Variants in ADCY9 observed in about 807,000 individuals in gnomAD.
The protein encoded by ADCY9 is adenylate cyclase 9.
In ADCY9, 50 loss-of-function variants were observed where a neutral mutation model predicts 101.5. The observed-to-expected ratio is 0.49, with a 90% CI of 0.39 to 0.62. The LOEUF (loss-of-function observed/expected upper bound fraction) is 0.62. Ranked by LOEUF, ADCY9 falls within the 20% of genes least tolerant of loss-of-function variation. The probability of loss-of-function intolerance (pLI) is 0.00; values close to 1 mark genes in which losing one functional copy is unlikely to be tolerated. For missense variants in ADCY9, 1,662 were observed against 1,800.4 expected, an observed-to-expected ratio of 0.92 and a Z score of 1.39; for synonymous variants, 905 against 769.3, an observed-to-expected ratio of 1.18 and a Z score of -2.92.
At chr16:4,048,009 C>T (rs533504713) in intron 2 of ADCY9, among the ~76,000 whole-genome samples, 1 of 152,200 alleles carries the variant, frequency 6.6e-6, no homozygotes, top group Admixed American at 6.5e-5. Context: ...GCTTCTGTGA[C>T]GTCCCCTTCA....
At chr16:3,960,007 C>T (rs1192050762), downstream of ADCY9, among the ~76,000 whole-genome samples, 1 of 151,550 alleles carries the variant, frequency 6.6e-6, no homozygotes, top group Non-Finnish European at 1.5e-5. Flanking sequence ...GCCTGGGCAA[C>T]AGAGTGAGAC....
At chr16:4,046,324 C>T (rs79028067) in intron 2 of ADCY9, among the ~76,000 whole-genome samples, 7 of 152,080 alleles carry the variant, frequency 4.6e-5, no homozygotes, top group African/African-American at 1.5e-4. Flanking sequence ...ATTCCCCCCA[C>T]GCCCCCGAAC....
At chr16:4,091,786 C>T (rs948575759) in intron 2 of ADCY9, among the ~76,000 whole-genome samples, 1 of 152,192 alleles carries the variant, frequency 6.6e-6, no homozygotes, top group Non-Finnish European at 1.5e-5. Context: ...TGCAGCACAG[C>T]GGCTGCCAGG....
At chr16:4,071,332 C>CAAAAAAAAAAAAAAAAAAAAA (rs530420293) in intron 2 of ADCY9, among the ~76,000 whole-genome samples, 7 of 70,522 alleles carry the variant, frequency 9.9e-5, no homozygotes, top group Non-Finnish European at 1.8e-4. Context: ...ACTCAGTCTC[C>CAAAAAAAAAAAAAAAAAAAAA]AAAAAAAAAA....
At chr16:4,053,847 T>G (rs1166302057) in intron 2 of ADCY9, among the ~76,000 whole-genome samples, 1 of 152,028 alleles carries the variant, frequency 6.6e-6, no homozygotes, top group Admixed American at 6.6e-5. Flanking sequence ...AACACAGCAT[T>G]TTAGAAATTT....
chr16:3,986,960 G>C (rs963916169), intron 6 of ADCY9, among the ~76,000 whole-genome samples: 1 of 152,204 alleles, frequency 6.6e-6, no homozygotes, highest in Non-Finnish European at 1.5e-5. Flanking sequence ...CCATGGCATG[G>C]GAGCCGTGAC....
chr16:4,115,254 G>C lies in ADCY9; in HGVS notation c.189C>G (p.Val63=). The change falls in exon 2 of 11, where the codon GTC becomes GTG. Residue 63 remains valine (V), a synonymous_variant. Coordinates refer to ENST00000294016, the MANE Select transcript of ADCY9 (RefSeq NM_001116.4). This position sits in a 1 kb window ranked among gnomAD's most constrained non-coding sequence, Gnocchi z 6.2. ...GGCCTCCGCCGCCCACTCGCCGGGG[G>C]ACGCCCCCGGAGTCCCCAGAGCTGC... ...SCSSSGDSGG[V]PRRVGGGGRL... is the part of the protein sequence containing the mutation. The C allele has an allele frequency of 6.2e-7, 1 of 1,613,418 alleles. No individual in the cohort carries two copies.
At chr16:4,101,420 C>T (rs972363806) in intron 2 of ADCY9, among the ~76,000 whole-genome samples, 2 of 151,966 alleles carry the variant, frequency 1.3e-5, no homozygotes, top group Non-Finnish European at 2.9e-5. Context: ...GCTTGGAATA[C>T]AGGCACATGC....
intron 2 of ADCY9, among the ~76,000 whole-genome samples, chr16:4,093,573 A>G (rs1288299668): frequency 6.6e-6 from 1 of 152,182 alleles, no homozygotes; most frequent in African/African-American, 2.4e-5. Flanking sequence ...CTCTACATAA[A>G]AAAAGTATTT....
chr16:4,086,983 C>T (rs2056943013), intron 2 of ADCY9, among the ~76,000 whole-genome samples: 1 of 151,146 alleles, frequency 6.6e-6, no homozygotes, highest in Non-Finnish European at 1.5e-5. Flanking sequence ...TCATTCTCCC[C>T]TAATCAAGGT....
At chr16:4,084,171 G>A (rs2056922709) in intron 2 of ADCY9, among the ~76,000 whole-genome samples, 1 of 152,058 alleles carries the variant, frequency 6.6e-6, no homozygotes, top group Non-Finnish European at 1.5e-5. Context: ...GAATGCAGTG[G>A]CACAATCTCG....
intron 2 of ADCY9, among the ~76,000 whole-genome samples, chr16:4,021,643 G>GTGA: frequency 6.6e-6 from 1 of 152,338 alleles, no homozygotes; most frequent in East Asian, 1.9e-4. Flanking sequence ...CCCTGCAGCT[G>GTGA]ACTCATCTGC....
At position 4,019,547 on chromosome 16, in the gene ADCY9, C is replaced by T. The variant is rs371679115; in HGVS notation, c.1694-11989G>A. On this transcript the variant is annotated intron_variant, in intron 2 of 10. Transcript: ENST00000294016. ...GGCTGGGTCCCCGGCCATCAACAAA[C>T]GGAGAGCTAGCTCATAAAACAGTGA... is the stretch of plus-strand genomic sequence containing the variant. Among the ~76,000 whole-genome samples, 318 of 152,340 alleles carry T rather than the reference C, an allele frequency of 2.1e-3. 1 individual carries two copies. The highest frequency in any genetic ancestry group is 7.0e-3 in the African/African-American group (290 of 41,580).
chr16:4,031,735 G>T (rs954896473), intron 2 of ADCY9, among the ~76,000 whole-genome samples: 5 of 151,740 alleles, frequency 3.3e-5, no homozygotes, highest in Admixed American at 6.6e-5. Context: ...AAATTAATCA[G>T]GCATGGTGGT....
At chr16:4,041,754 T>TGG (rs1218696193) in intron 2 of ADCY9, among the ~76,000 whole-genome samples, 185 of 149,004 alleles carry the variant, frequency 1.2e-3, no homozygotes, top group African/African-American at 4.5e-3. Flanking sequence ...TGATTTTTTT[T>TGG]GTTTTTTTTT....
chr16:3,983,954 G>A (rs1278423543), intron 6 of ADCY9: 1 of 155,398 alleles, frequency 6.4e-6, no homozygotes, highest in Non-Finnish European at 1.4e-5. Flanking sequence ...GCTGGGCATA[G>A]TGGTTTGTGC....
intron 2 of ADCY9, among the ~76,000 whole-genome samples, chr16:4,091,538 G>A (rs2056973792): frequency 2.0e-5 from 3 of 152,098 alleles, no homozygotes; most frequent in African/African-American, 7.2e-5. Context: ...ATCCACAATA[G>A]CCAAGAGGCA....
chr16:4,094,154 G>C (rs1007177078), intron 2 of ADCY9, among the ~76,000 whole-genome samples: 1 of 151,668 alleles, frequency 6.6e-6, no homozygotes. Flanking sequence ...GTGTGTTAGA[G>C]AAAAGTCCTT....
chr16:4,056,268 G>GT (rs1039214909), intron 2 of ADCY9, among the ~76,000 whole-genome samples: 6 of 152,052 alleles, frequency 3.9e-5, no homozygotes, highest in Non-Finnish European at 5.9e-5. Context: ...GTTTTGTTTT[G>GT]TTTTTGAGAC....
Sources: gnomAD v4.1 joint callset for allele counts (sites outside exome capture counted in the v4.1 genomes callset) on GRCh38, gnomAD v4.1.1 for gene constraint, Gnocchi (gnomAD v3.1) non-coding constraint, MANE v1.5 for transcripts, NCBI Gene and HGNC (gene_info 2026-07-23, HGNC 2026-07-21) for gene names.